The following CHODL variants were observed in gnomAD, a reference collection of about 807,000 sequenced individuals.
CHODL encodes the protein chondrolectin.
In CHODL, 29 loss-of-function variants were observed where a neutral mutation model predicts 34.5. The ratio of observed to expected loss-of-function variants is 0.84; its 90% CI spans 0.63 to 1.15. CHODL has a LOEUF of 1.15. Ranked by LOEUF, CHODL falls within the 50% of genes most tolerant of loss-of-function variation. The pLI is 0.00. For missense variants in CHODL, 332 were observed against 332.5 expected (o/e 1.00, Z 0.01); for synonymous variants, 125 against 116.1 (o/e 1.08, Z -0.49).
intron 2 of CHODL, among the ~76,000 whole-genome samples, chr21:18,219,101 C>T (rs1339188652): frequency 6.6e-6 from 1 of 152,102 alleles, no homozygotes; most frequent in Admixed American, 6.6e-5. Flanking sequence ...AGCAACACCC[C>T]ACTCTGCAGT....
chr21:18,015,587 G>C (rs1369221143), intron 1 of CHODL, among the ~76,000 whole-genome samples: 1 of 152,288 alleles, frequency 6.6e-6, no homozygotes, highest in African/African-American at 2.4e-5. Flanking sequence ...AATGGGCAGA[G>C]GGTTGAACAA....
intron 2 of CHODL, among the ~76,000 whole-genome samples, chr21:18,075,097 TTCAGAG>T (rs2146505167): frequency 6.6e-6 from 1 of 152,344 alleles, no homozygotes; most frequent in South Asian, 2.1e-4. Context: ...TGAATGTATA[TTCAGAG>T]TCACTTCTAT....
chr21:18,156,244 T>C (rs951385936), intron 2 of CHODL, among the ~76,000 whole-genome samples: 1 of 152,206 alleles, frequency 6.6e-6, no homozygotes, highest in African/African-American at 2.4e-5. Context: ...GAAAAGTAGC[T>C]ACAGTTGAAA....
intron 2 of CHODL, among the ~76,000 whole-genome samples, chr21:18,171,880 G>A (rs978614763): frequency 1.3e-5 from 2 of 152,070 alleles, no homozygotes; most frequent in Non-Finnish European, 2.9e-5. Context: ...TTCCTTAAAA[G>A]CCTTGAAAGT....
chr21:18,216,627 C>T (rs997610490), intron 2 of CHODL, among the ~76,000 whole-genome samples: 1 of 152,146 alleles, frequency 6.6e-6, no homozygotes, highest in Non-Finnish European at 1.5e-5. Context: ...TCAGTTTTCG[C>T]ACTGCTATAA....
intron 3 of CHODL, among the ~76,000 whole-genome samples, chr21:18,259,411 G>A (rs1347829572): frequency 6.6e-6 from 1 of 152,160 alleles, no homozygotes; most frequent in East Asian, 1.9e-4. Flanking sequence ...ATAGTTAATG[G>A]ATGCTGGGCT....
chr21:18,025,312 G>A (rs979728311), intron 1 of CHODL, among the ~76,000 whole-genome samples: 1 of 152,144 alleles, frequency 6.6e-6, no homozygotes, highest in African/African-American at 2.4e-5. Flanking sequence ...AATGTTAGTG[G>A]TATAAAACAT....
At chr21:18,213,157 T>C (rs1381036144) in intron 2 of CHODL, among the ~76,000 whole-genome samples, 1 of 152,174 alleles carries the variant, frequency 6.6e-6, no homozygotes, top group Non-Finnish European at 1.5e-5. Context: ...TGATCGAAGA[T>C]ACATCTTTTG....
intron 2 of CHODL, among the ~76,000 whole-genome samples, chr21:18,121,882 A>G (rs1303352666): frequency 6.6e-6 from 1 of 152,128 alleles, no homozygotes; most frequent in African/African-American, 2.4e-5. Flanking sequence ...GTCACTAGTT[A>G]ATATTTTTCT....
In CHODL at chr21:18,249,074, A is replaced by AAT. The variant is rs542982184; in HGVS notation, c.79+3782_79+3783dup. On this transcript the variant is annotated intron_variant, in intron 1 of 5. Coordinates refer to ENST00000299295, the MANE Select transcript of CHODL (RefSeq NM_024944.3). ...ATATTATATATAATTTACTATATAT[A>AAT]ATATATATATAATAAAATATATATA... 4.9e-5 allele frequency among the ~76,000 whole-genome samples: 6 copies of AAT among 123,642 alleles called. No individual in the cohort carries two copies. The South Asian group carries it at 6.6e-4, about 14-fold the overall frequency. The allele number at this position is 123,642 out of a possible 152,430, so 81.1% of individuals were successfully genotyped here.
Position 17,927,206 on chromosome 21 carries a change from G to GTA in CHODL, c.-145+9807_-145+9808insAT, listed in dbSNP as rs754827295. On this transcript the variant is annotated intron_variant, in intron 1 of 6. Transcript: ENST00000400127. Reference sequence around the variant, plus strand: ...TATATGTATATGTATGTATGTGTGTGTGTATATATATATATCCCAGAGTTG... The same window carrying GTA: ...TATATGTATATGTATGTATGTGTGTGTATGTATATATATATATCCCAGAGTTG... 3.1e-4 allele frequency among the ~76,000 whole-genome samples: 44 copies of GTA among 143,054 alleles called. No individual in the cohort carries two copies. The East Asian group carries it at 3.5e-3, about 12-fold the overall frequency. The allele number at this position is 143,054 out of a possible 152,430, so 93.8% of individuals were successfully genotyped here.
chr21:18,149,741 T>A (rs2146624486), intron 2 of CHODL, among the ~76,000 whole-genome samples: 1 of 152,358 alleles, frequency 6.6e-6, no homozygotes, highest in Admixed American at 6.5e-5. Flanking sequence ...TCCAATAAGT[T>A]AAGTTGTCCT....
intron 2 of CHODL, among the ~76,000 whole-genome samples, chr21:18,041,608 A>T (rs1409683423): frequency 1.3e-5 from 2 of 151,954 alleles, no homozygotes; most frequent in African/African-American, 4.8e-5. Context: ...ATATGATTAA[A>T]TCATTAATTA....
At chr21:18,254,871 A>AT (rs1054477065) in intron 1 of CHODL, among the ~76,000 whole-genome samples, 11 of 151,504 alleles carry the variant, frequency 7.3e-5, no homozygotes, top group Admixed American at 2.0e-4. Flanking sequence ...TAATTTTGAG[A>AT]TTTTTTTTTC....
At chr21:18,205,064 C>T (rs2073697110) in intron 2 of CHODL, among the ~76,000 whole-genome samples, 1 of 152,098 alleles carries the variant, frequency 6.6e-6, no homozygotes, top group Admixed American at 6.6e-5. Flanking sequence ...TAACAGGTGC[C>T]ACTAGGATGC....
chr21:18,081,038 T>C (rs912358834), intron 2 of CHODL, among the ~76,000 whole-genome samples: 11 of 152,288 alleles, frequency 7.2e-5, no homozygotes, highest in Non-Finnish European at 1.3e-4. Flanking sequence ...GTTCTCCTTA[T>C]AGAGATACTT....
chr21:18,179,315 T>A (rs533716577), intron 2 of CHODL, among the ~76,000 whole-genome samples: 2 of 152,306 alleles, frequency 1.3e-5, no homozygotes, highest in South Asian at 4.1e-4. Flanking sequence ...GTTCGTCGAT[T>A]CCTGTCTTAA....
At chr21:18,140,752 G>A (rs1337114513) in intron 2 of CHODL, among the ~76,000 whole-genome samples, 1 of 152,094 alleles carries the variant, frequency 6.6e-6, no homozygotes, top group Non-Finnish European at 1.5e-5. Flanking sequence ...GTGGGTTTGT[G>A]TGTACGTGCA....
chr21:18,167,464 C>T (rs1309619461), intron 2 of CHODL, among the ~76,000 whole-genome samples: 2 of 151,792 alleles, frequency 1.3e-5, no homozygotes, highest in South Asian at 2.1e-4. Flanking sequence ...CGACCACCAC[C>T]ACGCCCGGCT....
Sources: gnomAD v4.1 joint callset for allele counts (sites outside exome capture counted in the v4.1 genomes callset) on GRCh38, gnomAD v4.1.1 for gene constraint, MANE v1.5 for transcripts, NCBI Gene and HGNC (gene_info 2026-07-23, HGNC 2026-07-21) for gene names.